The following UNC13B variants were observed in gnomAD, a reference collection of about 807,000 sequenced individuals.
UNC13B encodes protein unc-13 homolog B.
A neutral mutation model predicts 211.0 loss-of-function variants in UNC13B; 144 were observed. That is an observed-to-expected ratio of 0.68 (90% CI 0.60 to 0.78). The LOEUF (loss-of-function observed/expected upper bound fraction) is 0.78. UNC13B is among the 30% of genes least tolerant of loss of function. The pLI is 0.00. For missense variants in UNC13B, 1,777 were observed against 2,002.0 expected (o/e 0.89, Z 2.14); for synonymous variants, 709 against 725.8 (o/e 0.98, Z 0.37).
chr9:35,394,589 C>T (rs1835756305), intron 26 of UNC13B, among the ~76,000 whole-genome samples: 1 of 152,008 alleles, frequency 6.6e-6, no homozygotes, highest in African/African-American at 2.4e-5. Context: ...GAGCGAGACT[C>T]CATCTCAAAA....
intron 24 of UNC13B, 146 bp from the exon 25 acceptor site, chr9:35,389,700 T>C: frequency 3.8e-6 from 3 of 786,546 alleles, no homozygotes; most frequent in South Asian, 3.5e-5. Context: ...GATAGTCTTG[T>C]GGAAGACAGG....
In UNC13B at chr9:35,236,526, C is replaced by T. The variant is rs1158310852; in HGVS notation, c.210C>T (p.Ile70=). 1.9e-6 allele frequency: 3 copies of T among 1,614,110 alleles called. No individual in the cohort carries two copies. Among genetic ancestry groups the T allele is most frequent in the Non-Finnish European group, 2.5e-6 (3 of 1,179,994 alleles). ...TGGAGGTATGGAACAAAGGACTGAT[C>T]TGGGACACCATGGTGGGGACTGTGT... is the stretch of plus-strand genomic sequence containing the variant. ...LSVEVWNKGL[I]WDTMVGTVWI... is the part of the protein sequence containing the mutation. Residue 70 remains isoleucine (I), a synonymous_variant, in exon 4 of 40, where the codon ATC becomes ATT. Coordinates refer to ENST00000635942, the MANE Select transcript of UNC13B (RefSeq NM_001371189.2).
rs374199987 is a variant in UNC13B at position 35,243,309 on chromosome 9, C to T, written c.413C>T (p.Ala138Val). The T allele has an allele frequency of 6.2e-7, 1 of 1,613,176 alleles. No homozygotes were observed. The highest frequency in any genetic ancestry group is 1.3e-5 in the African/African-American group (1 of 74,824). The part of the protein sequence containing the change: ...ELPFDIPEEE[A>V]RYWTYKWEQI... ...ATGGTAGATATCCCAGAGGAGGAAGCCAGATATTGGACCTACAAATGGGAG... is the reference window on the plus strand; with the variant it reads ...ATGGTAGATATCCCAGAGGAGGAAGTCAGATATTGGACCTACAAATGGGAG... The change falls in exon 6 of 40, where the codon GCC becomes GTC. Residue 138 changes from alanine to valine, a missense_variant. Ala to Val is a moderately conservative substitution (Grantham distance 64). Transcript: ENST00000635942.
Position 35,224,444 on chromosome 9 carries a change from A to G in UNC13B, c.23-3571A>G, listed in dbSNP as rs191207002. ...TACTTTTTAAATTTCTTTTTCAGCT[A>G]GTTTATTATTACTGATTTTTGTAGT... is the stretch of plus-strand genomic sequence containing the variant. On this transcript the variant is annotated intron_variant, in intron 1 of 39. Transcript: ENST00000635942. Among the ~76,000 whole-genome samples the G allele has an allele frequency of 2.2e-3, 332 of 152,244 alleles. 2 individuals carry two copies. Among genetic ancestry groups the G allele is most frequent in the African/African-American group, 7.6e-3 (315 of 41,544 alleles).
intron 11 of UNC13B, among the ~76,000 whole-genome samples, chr9:35,356,369 G>A (rs1435506279): frequency 1.3e-5 from 2 of 152,024 alleles, no homozygotes; most frequent in African/African-American, 2.4e-5. Context: ...ATTTGAGTTA[G>A]TTTTCATCTT....
At chr9:35,163,213 T>C (rs1207838931) in intron 1 of UNC13B, among the ~76,000 whole-genome samples, 1 of 152,248 alleles carries the variant, frequency 6.6e-6, no homozygotes, top group Non-Finnish European at 1.5e-5. Context: ...CTATCATATC[T>C]GATGTGTCTT....
chr9:35,186,073 C>T (rs1319275696), intron 1 of UNC13B, among the ~76,000 whole-genome samples: 1 of 152,082 alleles, frequency 6.6e-6, no homozygotes, highest in Non-Finnish European at 1.5e-5. Context: ...TGATATGCCT[C>T]ATCATACAGT....
At chr9:35,332,021 G>T (rs953102894) in intron 11 of UNC13B, among the ~76,000 whole-genome samples, 1 of 149,522 alleles carries the variant, frequency 6.7e-6, no homozygotes, top group Admixed American at 6.7e-5. Flanking sequence ...TCTTGCTCTT[G>T]CCCAGGCTGG....
At chr9:35,289,840 G>T (rs1189552634) in intron 7 of UNC13B, among the ~76,000 whole-genome samples, 1 of 152,226 alleles carries the variant, frequency 6.6e-6, no homozygotes, top group Non-Finnish European at 1.5e-5. Context: ...AGCCAGGCGT[G>T]TTGGTAGGCG....
At position 35,300,947 on chromosome 9, in the gene UNC13B, A is replaced by G. The variant is rs977267974; in HGVS notation, c.1543A>G (p.Ile515Val). 5.0e-6 allele frequency: 2 copies of G among 398,864 alleles called. No individual in the cohort carries two copies. Among genetic ancestry groups the G allele is most frequent in the Non-Finnish European group, 8.8e-6 (2 of 226,026 alleles). The allele number at this position is 398,864 out of a possible 1,614,324, so 24.7% of individuals were successfully genotyped here. A position where few individuals can be genotyped will look rare whatever the true frequency, so the allele number is the denominator to read the frequency against. The change falls in exon 9 of 40, where the codon ATT (isoleucine) becomes GTT (valine). Residue 515 changes from isoleucine to valine, a missense_variant. Transcript: ENST00000635942. ...TPGDQIPPLT[I>V]VKNDKDTAIS... is the part of the protein sequence containing the mutation. Reference sequence around the variant, plus strand: ...TGGGGATCAAATACCACCTTTAACTATTGTCAAGAATGACAAGGACACGGC... The same window carrying G: ...TGGGGATCAAATACCACCTTTAACTGTTGTCAAGAATGACAAGGACACGGC...
At chr9:35,164,920 G>A (rs1460884739) in intron 1 of UNC13B, among the ~76,000 whole-genome samples, 4 of 152,200 alleles carry the variant, frequency 2.6e-5, no homozygotes, top group Non-Finnish European at 5.9e-5. Flanking sequence ...AACTGGTCTT[G>A]TATTGTGGTG....
Position 35,399,013 on chromosome 9 carries a change from T to C in UNC13B, c.12053T>C (p.Leu4018Pro). ...AQDADSVLRP[L>P]MDFLDGNLTL... ...GATGCAGATAGCGTACTCCGGCCTC[T>C]CATGGACTTCCTGGATGGCAAGTGA... is the stretch of plus-strand genomic sequence containing the variant. The change falls in exon 33 of 40, where the codon CTC (leucine) becomes CCC (proline). Residue 4018 changes from leucine (L) to proline (P), a missense_variant. By Grantham distance (98) the Leu-to-Pro change is moderately conservative. Transcript: ENST00000635942. The C allele has an allele frequency of 6.2e-7, 1 of 1,614,098 alleles. No homozygotes were observed. Among genetic ancestry groups the C allele is most frequent in the Non-Finnish European group, 8.5e-7 (1 of 1,179,948 alleles).
chr9:35,355,162 A>G (rs868345493), intron 11 of UNC13B, among the ~76,000 whole-genome samples: 20 of 152,334 alleles, frequency 1.3e-4, no homozygotes, highest in African/African-American at 3.6e-4. Context: ...AGTATGTATA[A>G]GATGCTTTCA....
At chr9:35,327,453 A>C (rs1480014009) in intron 11 of UNC13B, among the ~76,000 whole-genome samples, 1 of 152,164 alleles carries the variant, frequency 6.6e-6, no homozygotes, top group Non-Finnish European at 1.5e-5. Context: ...TCTTGGTGCA[A>C]GTCCCAAATA....
chr9:35,288,289 A>G (rs949163132), intron 7 of UNC13B, among the ~76,000 whole-genome samples: 8 of 151,948 alleles, frequency 5.3e-5, no homozygotes, highest in Non-Finnish European at 1.2e-4. Context: ...CCCCTCTTAA[A>G]AGCTCTGATA....
chr9:35,382,458 C>G lies in UNC13B; in HGVS notation c.10757C>G (p.Ala3586Gly). The change falls in exon 21 of 40, where the codon GCC becomes GGC. Residue 3586 changes from alanine (A) to glycine (G), a missense_variant. Physicochemically the swap from Ala to Gly is moderately conservative, Grantham distance 60. Coordinates refer to ENST00000635942, the MANE Select transcript of UNC13B (RefSeq NM_001371189.2). ...NINAYYAHTTASTNVSASDRF... is the reference protein window; with the variant it reads ...NINAYYAHTTGSTNVSASDRF... ...AACGCCTACTATGCCCACACAACTGCCTCTACCAATGTCTCTGCATCTGAT... is the reference window on the plus strand; with the variant it reads ...AACGCCTACTATGCCCACACAACTGGCTCTACCAATGTCTCTGCATCTGAT... 6.2e-7 allele frequency: 1 copy of G among 1,614,176 alleles called. No individual in the cohort carries two copies.
At chr9:35,291,337 C>G (rs1196722766) in intron 7 of UNC13B, among the ~76,000 whole-genome samples, 4 of 152,198 alleles carry the variant, frequency 2.6e-5, no homozygotes, top group African/African-American at 7.2e-5. Flanking sequence ...AAGTCCCAGT[C>G]ATAATCCTGA....
chr9:35,213,423 T>C (rs953416393), intron 1 of UNC13B, among the ~76,000 whole-genome samples: 3 of 152,228 alleles, frequency 2.0e-5, no homozygotes, highest in African/African-American at 7.2e-5. Flanking sequence ...GGCATCTTGA[T>C]CTTGGACTTT....
At chr9:35,399,829 C>G (rs1452868988) in intron 36 of UNC13B, 100 bp downstream of exon 36, 2 of 1,160,264 alleles carry the variant, frequency 1.7e-6, no homozygotes, top group African/African-American at 1.5e-5. Flanking sequence ...TCTTAACACT[C>G]CACATCCAGA....
Sources: allele counts gnomAD v4.1 joint callset (sites outside exome capture counted in the v4.1 genomes callset), GRCh38; gene constraint gnomAD v4.1.1; transcripts MANE v1.5; gene names NCBI Gene and HGNC (gene_info 2026-07-23, HGNC 2026-07-21).